Variants in OTOG observed in about 807,000 individuals in gnomAD.
The protein encoded by OTOG is otogelin.
In OTOG, 296 loss-of-function variants were observed where a neutral mutation model predicts 313.8. The observed-to-expected ratio is 0.94, with a 90% CI of 0.86 to 1.04. The LOEUF (loss-of-function observed/expected upper bound fraction) is 1.04. OTOG is among the 50% of genes least tolerant of loss of function. The pLI, the probability that OTOG is intolerant of heterozygous loss-of-function variation, is 0.00. For synonymous variants in OTOG, 1,533 were observed against 1,554.9 expected, an observed-to-expected ratio of 0.99 and a Z score of 0.33; for missense variants, 3,948 against 3,840.1, an observed-to-expected ratio of 1.03 and a Z score of -0.74.
intron 23 of OTOG, among the ~76,000 whole-genome samples, chr11:17,584,290 C>A (rs10832811): frequency 0.3 from 45,019 of 151,970 alleles, 8,204 homozygotes; most frequent in African/African-American, 0.53. Flanking sequence ...TTTACATCTC[C>A]CATGTTTCTT....
intron 7 of OTOG, among the ~76,000 whole-genome samples, chr11:17,556,239 T>A (rs1306518924): frequency 6.6e-6 from 1 of 152,162 alleles, no homozygotes; most frequent in East Asian, 1.9e-4. Context: ...AGTTTCTACC[T>A]CCTCTCAGCA....
At chr11:17,553,308 C>T (rs1851984930) in intron 5 of OTOG, 57 bp from the exon 6 acceptor site, 1 of 1,499,090 alleles carries the variant, frequency 6.7e-7, no homozygotes, top group Non-Finnish European at 8.9e-7. Context: ...AACCCACCAG[C>T]CTCTGGCTTG....
intron 31 of OTOG, among the ~76,000 whole-genome samples, chr11:17,600,974 G>A (rs148708776): frequency 1.1e-4 from 17 of 152,358 alleles, no homozygotes; most frequent in African/African-American, 3.1e-4. Context: ...TGTGGAGCAG[G>A]CTCACGCCGC....
chr11:17,645,908 G>A lies in OTOG; in HGVS notation c.8706G>A (p.Val2902=). ...ATGCCACCTGGGTGCCCTATACAGT[G>A]CAGGAGCCCACCGACTGTGCCTGCC... ...ATNATWVPYT[V]QEPTDCACQW... is the part of the protein sequence containing the mutation. Residue 2902 remains valine (V), a synonymous_variant, in exon 56 of 56, where the codon GTG becomes GTA. Transcript: ENST00000399397. The A allele has an allele frequency of 2.6e-6, 4 of 1,550,270 alleles. No homozygotes were observed. Among genetic ancestry groups the A allele is most frequent in the Non-Finnish European group, 2.6e-6 (3 of 1,147,000 alleles).
At chr11:17,584,530 ATT>A (rs111398332) in intron 23 of OTOG, among the ~76,000 whole-genome samples, 4 of 145,674 alleles carry the variant, frequency 2.7e-5, no homozygotes, top group African/African-American at 5.0e-5. Flanking sequence ...TTGTCATTTG[ATT>A]TTTTTTTTTT....
At chr11:17,547,649 T>A (rs1851838016) in intron 1 of OTOG, 183 bp downstream of exon 1, 5 of 1,151,930 alleles carry the variant, frequency 4.3e-6, no homozygotes, top group Middle Eastern at 3.0e-4. Flanking sequence ...GGCAGGCCTA[T>A]GACCGCGGGG....
At chr11:17,618,155 C>A (rs995613554) in intron 39 of OTOG, among the ~76,000 whole-genome samples, 3 of 152,178 alleles carry the variant, frequency 2.0e-5, no homozygotes, top group Non-Finnish European at 4.4e-5. Flanking sequence ...CCCGCCTTGG[C>A]CTCCCAAAGT....
intron 39 of OTOG, among the ~76,000 whole-genome samples, chr11:17,626,477 A>C (rs539236299): frequency 3.9e-5 from 6 of 152,204 alleles, no homozygotes; most frequent in African/African-American, 1.2e-4. Flanking sequence ...CACCCAGCCT[A>C]TATGCCTATT....
chr11:17,638,129 C>G (rs963101164), intron 47 of OTOG, among the ~76,000 whole-genome samples: 7 of 152,216 alleles, frequency 4.6e-5, no homozygotes, highest in African/African-American at 1.7e-4. Flanking sequence ...GGGATGTTCC[C>G]CATCAGCAGA....
At chr11:17,558,943 TG>T in intron 10 of OTOG, 108 bp from the exon 11 acceptor site, 1 of 906,012 alleles carries the variant, frequency 1.1e-6, no homozygotes, top group Non-Finnish European at 1.8e-6. Flanking sequence ...CTTTCCCAGC[TG>T]GGTGGAGAGG....
At chr11:17,548,418 CTTTTTTTTTTTTTTTTTTTTTTTTTT>C in intron 3 of OTOG, among the ~76,000 whole-genome samples, 1 of 87,628 alleles carries the variant, frequency 1.1e-5, no homozygotes, top group Non-Finnish European at 2.1e-5. Context: ...ATAGTCCACT[CTTTTTTTTTTTTTTTTTTTTTTTTTT>C]TTTTTTTTTT....
At chr11:17,634,995 G>T (rs748788058) in intron 45 of OTOG, 47 bp downstream of exon 45, 23 of 1,534,192 alleles carry the variant, frequency 1.5e-5, no homozygotes, top group Middle Eastern at 1.7e-4. Flanking sequence ...TGAGGGCAGT[G>T]GGGGGAGGAC....
At position 17,547,910 on chromosome 11, in the gene OTOG, A is replaced by C; in HGVS notation, c.95-17A>C. Reference sequence around the variant, plus strand: ...AAGACAAGCACAATTTGAGTGGAGAATAATCCCCCTCCCCAGCCGCAGCAC... The same window carrying C: ...AAGACAAGCACAATTTGAGTGGAGACTAATCCCCCTCCCCAGCCGCAGCAC... On this transcript the variant is annotated splice_polypyrimidine_tract_variant and intron_variant, in intron 1 of 55. Transcript: ENST00000399397. The C allele has an allele frequency of 2.2e-6, 1 of 457,926 alleles. No individual in the cohort carries two copies. The highest frequency in any genetic ancestry group is 3.8e-6 in the Non-Finnish European group (1 of 261,004). The allele number at this position is 457,926 out of a possible 1,614,324, so 28.4% of individuals were successfully genotyped here. A position where few individuals can be genotyped will look rare whatever the true frequency, so the allele number is the denominator to read the frequency against.
chr11:17,591,977 T>G (rs760657586), intron 25 of OTOG, among the ~76,000 whole-genome samples: 1 of 152,230 alleles, frequency 6.6e-6, no homozygotes, highest in Non-Finnish European at 1.5e-5. Context: ...ATGTTATAGA[T>G]GTAACAATTC....
At chr11:17,637,373 T>C (rs891219993) in intron 47 of OTOG, among the ~76,000 whole-genome samples, 2 of 152,180 alleles carry the variant, frequency 1.3e-5, no homozygotes, top group Non-Finnish European at 2.9e-5. Flanking sequence ...ATGACATGCC[T>C]CACATCTCTC....
intron 20 of OTOG, 78 bp from the exon 21 acceptor site, chr11:17,576,478 G>A: frequency 8.4e-7 from 1 of 1,191,990 alleles, no homozygotes; most frequent in Non-Finnish European, 1.2e-6. Context: ...GTTGGCTGAG[G>A]GTGGGGTCCC....
At chr11:17,636,331 G>A (rs141813268) in intron 47 of OTOG, among the ~76,000 whole-genome samples, 31 of 152,262 alleles carry the variant, frequency 2.0e-4, no homozygotes, top group South Asian at 4.2e-4. Flanking sequence ...GCATAGTGCA[G>A]CCAGCATTAC....
intron 31 of OTOG, among the ~76,000 whole-genome samples, chr11:17,601,893 C>T (rs1853261404): frequency 6.6e-6 from 1 of 152,190 alleles, no homozygotes; most frequent in African/African-American, 2.4e-5. Context: ...GGTGAAGTTT[C>T]AGGCAGTGGG....
intron 21 of OTOG, 57 bp downstream of exon 21, chr11:17,576,687 G>C: frequency 6.7e-7 from 1 of 1,491,268 alleles, no homozygotes; most frequent in Non-Finnish European, 9.1e-7. Flanking sequence ...GCTGCTGACT[G>C]AAGACAGTGC....
Sources: gnomAD v4.1 joint callset for allele counts (sites outside exome capture counted in the v4.1 genomes callset) on GRCh38, gnomAD v4.1.1 for gene constraint, MANE v1.5 for transcripts, NCBI Gene and HGNC (gene_info 2026-07-23, HGNC 2026-07-21) for gene names.